The following INAFM1 variants were observed in gnomAD, a reference collection of about 807,000 sequenced individuals.
INAFM1 encodes the protein putative transmembrane protein INAFM1.
In INAFM1, 11 loss-of-function variants were observed where a neutral mutation model predicts 9.4. The observed-to-expected ratio is 1.17, with a 90% CI of 0.74 to 1.94. INAFM1 has a LOEUF of 1.94. INAFM1 is among the 30% of genes most tolerant of loss of function. INAFM1 has a pLI of 0.00. For missense variants in INAFM1, 318 were observed against 221.6 expected (o/e 1.44, Z -2.76); for synonymous variants, 161 against 109.5 (o/e 1.47, Z -2.94).
chr19:47,275,063 C>T lies in INAFM1; in HGVS notation c.144C>T (p.Ala48=), dbSNP rs2059148847. The change falls in exon 1 of 1, where the codon GCC becomes GCT. Residue 48 remains alanine, a synonymous_variant. Coordinates refer to ENST00000552360, the MANE Select transcript of INAFM1 (RefSeq NM_178511.6). ...LCVSLAAVLL[A]VYYGLIWVPT... Reference sequence around the variant, plus strand: ...TCTCGCTAGCTGCCGTGCTGCTCGCCGTGTACTACGGTCTCATCTGGGTAC... The same window carrying T: ...TCTCGCTAGCTGCCGTGCTGCTCGCTGTGTACTACGGTCTCATCTGGGTAC... 1.3e-6 allele frequency: 2 copies of T among 1,494,994 alleles called. No homozygotes were observed. The highest frequency in any genetic ancestry group is 2.9e-5 in the East Asian group (1 of 34,990). The allele number at this position is 1,494,994 out of a possible 1,614,324, so 92.6% of individuals were successfully genotyped here.
At position 47,274,973 on chromosome 19, in the gene INAFM1, G is replaced by A; in HGVS notation, c.54G>A (p.Gly18=). The change falls in exon 1 of 1, where the codon GGG becomes GGA. Residue 18 remains glycine (G), a synonymous_variant. Transcript: ENST00000552360. ...GGGAESPGGA[G]LSEGPRGRWL... ...GCGCCGAGAGCCCCGGAGGCGCGGG[G>A]CTGAGCGAGGGCCCGCGGGGGCGCT... is the stretch of plus-strand genomic sequence containing the variant. 4.1e-6 allele frequency: 6 copies of A among 1,454,592 alleles called. No homozygotes were observed. Among genetic ancestry groups the A allele is most frequent in the Non-Finnish European group, 4.5e-6 (5 of 1,106,696 alleles). 90.1% of individuals were successfully genotyped at this position (1,454,592 alleles called of 1,614,324 possible). A position where few individuals can be genotyped will look rare whatever the true frequency, so the allele number is the denominator to read the frequency against.
chr19:47,274,671 TAAGCGCGGGGGCGGGGCTG>T (rs1217592185), upstream of INAFM1: 49 of 173,146 alleles, frequency 2.8e-4, no homozygotes, highest in South Asian at 5.9e-3. Context: ...GTGGTGGGGC[TAAGCGCGGGGGCGGGGCTG>T]GAGCGAGGGG....
At position 47,275,166 on chromosome 19, in the gene INAFM1, C is replaced by G. The variant is rs562916215; in HGVS notation, c.247C>G (p.Pro83Ala). 2.1e-4 allele frequency: 313 copies of G among 1,466,838 alleles called. No individual in the cohort carries two copies. In the African/African-American group the frequency reaches 4.3e-3, roughly 20 times the overall value. The allele number at this position is 1,466,838 out of a possible 1,614,324, so 90.9% of individuals were successfully genotyped here. ...TCCGTGTGCTGCCCGCCCGGGCGTG[C>G]CGCCTGTCCCGGCGCCCGCCGCTGC... ...SPPCAARPGV[P>A]PVPAPAAASL... Residue 83 changes from proline (P) to alanine (A), a missense_variant, in exon 1 of 1, where the codon CCG (proline) becomes GCG (alanine). Transcript: ENST00000552360.
At position 47,275,518 on chromosome 19, in the gene INAFM1, T is replaced by A; in HGVS notation, c.*170T>A. The A allele has an allele frequency of 1.1e-6, 1 of 923,628 alleles. No homozygotes were observed. The highest frequency in any genetic ancestry group is 1.8e-5 in the South Asian group (1 of 54,290). The allele number at this position is 923,628 out of a possible 1,614,324, so 57.2% of individuals were successfully genotyped here. On this transcript the variant is annotated 3_prime_UTR_variant, in exon 1 of 1. Transcript: ENST00000552360. ...CCCAGGGGGTGTCAGCTCGGGGCCT[T>A]GCCTCTTGCAGCTACTCTGTGGTCA...
chr19:47,274,436 G>C (rs2059143368), upstream of INAFM1: 1 of 152,894 alleles, frequency 6.5e-6, no homozygotes, highest in Non-Finnish European at 1.5e-5. Context: ...TCCGGAACTA[G>C]AGTGTGGGAG....
Position 47,275,218 on chromosome 19 carries a change from C to CCGGCGGG in INAFM1, c.301_307dup (p.Pro103ArgfsTer21). 6.5e-7 allele frequency: 1 copy of CCGGCGGG among 1,528,736 alleles called. No individual in the cohort carries two copies. The highest frequency in any genetic ancestry group is 1.4e-5 in the African/African-American group (1 of 70,230). 94.7% of individuals were successfully genotyped at this position (1,528,736 alleles called of 1,614,324 possible). On this transcript the variant is annotated frameshift_variant, in exon 1 of 1. Coordinates refer to ENST00000552360, the MANE Select transcript of INAFM1 (RefSeq NM_178511.6). LOFTEE classifies it high-confidence loss of function. The stretch of plus-strand genomic sequence containing the variant: ...TCCCTCTCCTGCCTCCTGGGAGTCC[C>CCGGCGGG]CGGCGGGCCGCGACCCCAGCTCCAG...
Position 47,275,442 on chromosome 19 carries a change from C to T in INAFM1, c.*94C>T, listed in dbSNP as rs958485261. The T allele has an allele frequency of 3.5e-5, 50 of 1,422,676 alleles. No homozygotes were observed. Among genetic ancestry groups the T allele is most frequent in the African/African-American group, 2.0e-4 (13 of 66,210 alleles). 88.1% of individuals were successfully genotyped at this position (1,422,676 alleles called of 1,614,324 possible). On this transcript the variant is annotated 3_prime_UTR_variant, in exon 1 of 1. Transcript: ENST00000552360. ...GTCTCTGGATTGGTCCGGCCTTCTT[C>T]CTAATGACATCGCTCAGCGTCTCTG...
rs1300321953 is a variant in INAFM1, at chr19:47,275,646, C to A, written c.*298C>A. The A allele has an allele frequency of 2.2e-6, 1 of 453,900 alleles. No individual in the cohort carries two copies. The highest frequency in any genetic ancestry group is 4.0e-6 in the Non-Finnish European group (1 of 248,328). The allele number at this position is 453,900 out of a possible 1,614,324, so 28.1% of individuals were successfully genotyped here. On this transcript the variant is annotated 3_prime_UTR_variant, in exon 1 of 1. Transcript: ENST00000552360. ...AGAGCCCACAGCCCATCTGCCTCTT[C>A]ACCTCCCTGAATCCGTGTCCATCTG...
rs1391699696 is a variant in INAFM1 at position 47,275,265 on chromosome 19, C to T, written c.346C>T (p.Arg116Cys). 9 of 1,542,454 alleles carry T rather than the reference C, an allele frequency of 5.8e-6. No homozygotes were observed. The highest frequency in any genetic ancestry group is 7.0e-6 in the Non-Finnish European group (8 of 1,144,040). Residue 116 changes from arginine to cysteine, a missense_variant, in exon 1 of 1, where the codon CGC (arginine) becomes TGC (cysteine). By Grantham distance (180) the Arg-to-Cys change is radical (BLOSUM62 -3). Coordinates refer to ENST00000552360, the MANE Select transcript of INAFM1 (RefSeq NM_178511.6). ...QLQLPLSRRRRYSDPDRRPSR... is the reference protein window; with the variant it reads ...QLQLPLSRRRCYSDPDRRPSR... ...CCAGCTGCCGCTGAGCCGCCGCCGCCGCTACAGCGACCCTGACCGCCGTCC... is the reference window on the plus strand; with the variant it reads ...CCAGCTGCCGCTGAGCCGCCGCCGCTGCTACAGCGACCCTGACCGCCGTCC...
Position 47,275,194 on chromosome 19 carries a change from C to G in INAFM1, c.275C>G (p.Ser92Cys). The change falls in exon 1 of 1, where the codon TCC becomes TGC. Residue 92 changes from serine (S) to cysteine (C), a missense_variant. Physicochemically the swap from Ser to Cys is moderately radical, Grantham distance 112 (BLOSUM62 -1). Transcript: ENST00000552360. ...CCTGTCCCGGCGCCCGCCGCTGCCT[C>G]CCTCTCCTGCCTCCTGGGAGTCCCC... ...VPPVPAPAAA[S>C]LSCLLGVPGG... The G allele has an allele frequency of 6.7e-7, 1 of 1,501,204 alleles. No individual in the cohort carries two copies. Among genetic ancestry groups the G allele is most frequent in the Non-Finnish European group, 8.9e-7 (1 of 1,128,756 alleles). 93.0% of individuals were successfully genotyped at this position (1,501,204 alleles called of 1,614,324 possible). A position where few individuals can be genotyped will look rare whatever the true frequency, so the allele number is the denominator to read the frequency against.
rs1290679940 is a variant in INAFM1 at position 47,275,180 on chromosome 19, G to T, written c.261G>T (p.Ala87=). The stretch of plus-strand genomic sequence containing the variant: ...GCCCGGGCGTGCCGCCTGTCCCGGC[G>T]CCCGCCGCTGCCTCCCTCTCCTGCC... The part of the protein sequence containing the change: ...AARPGVPPVP[A]PAAASLSCLL... Residue 87 remains alanine, a synonymous_variant, in exon 1 of 1, where the codon GCG becomes GCT. Coordinates refer to ENST00000552360, the MANE Select transcript of INAFM1 (RefSeq NM_178511.6). 5 of 1,464,728 alleles carry T rather than the reference G, an allele frequency of 3.4e-6. No homozygotes were observed. The African/African-American group carries it at 4.5e-5, about 13-fold the overall frequency. The allele number at this position is 1,464,728 out of a possible 1,614,324, so 90.7% of individuals were successfully genotyped here.
In INAFM1 at chr19:47,275,089, C is replaced by T; in HGVS notation, c.170C>T (p.Pro57Leu). ...LAVYYGLIWV[P>L]TRSPAAPAGP... ...GTGTACTACGGTCTCATCTGGGTAC[C>T]CACGCGGTCTCCCGCGGCACCCGCC... The change falls in exon 1 of 1, where the codon CCC (proline) becomes CTC (leucine). Residue 57 changes from proline to leucine, a missense_variant. Coordinates refer to ENST00000552360, the MANE Select transcript of INAFM1 (RefSeq NM_178511.6). 6 of 1,495,286 alleles carry T rather than the reference C, an allele frequency of 4.0e-6. No homozygotes were observed. The highest frequency in any genetic ancestry group is 5.3e-6 in the Non-Finnish European group (6 of 1,125,990). 92.6% of individuals were successfully genotyped at this position (1,495,286 alleles called of 1,614,324 possible).
chr19:47,274,871 G>T, upstream of INAFM1: 2 of 1,193,148 alleles, frequency 1.7e-6, no homozygotes, highest in South Asian at 4.0e-5. Context: ...GGGCCTGGTG[G>T]GGGCGGGGCC....
Position 47,275,630 on chromosome 19 carries a change from A to C in INAFM1, c.*282A>C. The C allele has an allele frequency of 2.1e-6, 1 of 482,798 alleles. No homozygotes were observed. The highest frequency in any genetic ancestry group is 3.4e-5 in the South Asian group (1 of 29,052). 29.9% of individuals were successfully genotyped at this position (482,798 alleles called of 1,614,324 possible). A position where few individuals can be genotyped will look rare whatever the true frequency, so the allele number is the denominator to read the frequency against. ...GTGGGATGCTGAGCACAGAGCCCAC[A>C]GCCCATCTGCCTCTTCACCTCCCTG... On this transcript the variant is annotated 3_prime_UTR_variant, in exon 1 of 1. Transcript: ENST00000552360.
rs1463340257 is a variant in INAFM1, at chr19:47,274,908, T to TGGGCTGCG, written c.-8_-1dup. The stretch of plus-strand genomic sequence containing the variant: ...GTGCGGTCTGCGGCGCGGAGCCGAG[T>TGGGCTGCG]GGGCTGCGGGGATGCGGGGGACCAG... On this transcript the variant is annotated 5_prime_UTR_variant, in exon 1 of 1. Transcript: ENST00000552360. The TGGGCTGCG allele has an allele frequency of 4.6e-4, 564 of 1,218,694 alleles. 11 individuals are homozygous for TGGGCTGCG. In the East Asian group the frequency reaches 0.019, roughly 40 times the overall value. The allele number at this position is 1,218,694 out of a possible 1,614,324, so 75.5% of individuals were successfully genotyped here.
Position 47,275,188 on chromosome 19 carries a change from C to T in INAFM1, c.269C>T (p.Ala90Val). ...PGVPPVPAPA[A>V]ASLSCLLGVP... is the part of the protein sequence containing the mutation. Reference sequence around the variant, plus strand: ...GTGCCGCCTGTCCCGGCGCCCGCCGCTGCCTCCCTCTCCTGCCTCCTGGGA... The same window carrying T: ...GTGCCGCCTGTCCCGGCGCCCGCCGTTGCCTCCCTCTCCTGCCTCCTGGGA... The change falls in exon 1 of 1, where the codon GCT becomes GTT. Residue 90 changes from alanine (A) to valine (V), a missense_variant. Ala to Val is a moderately conservative substitution (Grantham distance 64). Transcript: ENST00000552360. 2.0e-6 allele frequency: 3 copies of T among 1,480,400 alleles called. No homozygotes were observed. The highest frequency in any genetic ancestry group is 2.7e-6 in the Non-Finnish European group (3 of 1,121,192). 91.7% of individuals were successfully genotyped at this position (1,480,400 alleles called of 1,614,324 possible).
At position 47,275,588 on chromosome 19, in the gene INAFM1, C is replaced by A; in HGVS notation, c.*240C>A. On this transcript the variant is annotated 3_prime_UTR_variant, in exon 1 of 1. Coordinates refer to ENST00000552360, the MANE Select transcript of INAFM1 (RefSeq NM_178511.6). ...AGGAAGATCCCATCCTGAGCTCTGT[C>A]TCCTGCCCCTCCTGCTGTGGGATGC... The A allele has an allele frequency of 1.8e-6, 1 of 553,608 alleles. No homozygotes were observed. Among genetic ancestry groups the A allele is most frequent in the South Asian group, 2.4e-5 (1 of 40,910 alleles). The allele number at this position is 553,608 out of a possible 1,614,324, so 34.3% of individuals were successfully genotyped here.
rs1042940053 is a variant in INAFM1 at position 47,275,354 on chromosome 19, C to T, written c.*6C>T. On this transcript the variant is annotated 3_prime_UTR_variant, in exon 1 of 1. Coordinates refer to ENST00000552360, the MANE Select transcript of INAFM1 (RefSeq NM_178511.6). ...AGGGGCGAAGACCCGGGTAACTCTC[C>T]CTTCCACCCCAACCCGGATCGCCAG... is the stretch of plus-strand genomic sequence containing the variant. The T allele has an allele frequency of 8.5e-6, 13 of 1,536,650 alleles. No individual in the cohort carries two copies. The African/African-American group carries it at 8.5e-5, about 10-fold the overall frequency.
Position 47,274,931 on chromosome 19 carries a change from C to CGGCTGCGGGG in INAFM1, c.12_13insGGCTGCGGGG (p.Ser5GlyfsTer120). The CGGCTGCGGGG allele has an allele frequency of 7.5e-7, 1 of 1,333,148 alleles. No homozygotes were observed. The highest frequency in any genetic ancestry group is 9.5e-7 in the Non-Finnish European group (1 of 1,053,598). The allele number at this position is 1,333,148 out of a possible 1,614,324, so 82.6% of individuals were successfully genotyped here. On this transcript the variant is annotated frameshift_variant, in exon 1 of 1. Coordinates refer to ENST00000552360, the MANE Select transcript of INAFM1 (RefSeq NM_178511.6). LOFTEE classifies it high-confidence loss of function. Reference sequence around the variant, plus strand: ...AGTGGGCTGCGGGGATGCGGGGGACCAGCTGCGTGGGCGGCGGCGCCGAGA... The same window carrying CGGCTGCGGGG: ...AGTGGGCTGCGGGGATGCGGGGGACCGGCTGCGGGGAGCTGCGTGGGCGGCGGCGCCGAGA...
Sources: allele counts gnomAD v4.1 joint callset, GRCh38; gene constraint gnomAD v4.1.1; transcripts MANE v1.5; gene names NCBI Gene and HGNC (gene_info 2026-07-23, HGNC 2026-07-21).